The following IFI30 variants were observed in gnomAD, a reference collection of about 807,000 sequenced individuals.
The protein encoded by IFI30 is gamma-interferon-inducible lysosomal thiol reductase.
In IFI30, 26 loss-of-function variants were observed where a neutral mutation model predicts 30.1. That is an observed-to-expected ratio of 0.87 (90% CI 0.63 to 1.20). The LOEUF is 1.20. Among genes scored for constraint, IFI30 ranks in the 50% most tolerant of loss-of-function variants. The probability of loss-of-function intolerance (pLI) is 0.00; values close to 1 mark genes in which losing one functional copy is unlikely to be tolerated. For synonymous variants in IFI30, 149 were observed against 134.5 expected (o/e 1.11, Z -0.75); for missense variants, 296 against 312.5 (o/e 0.95, Z 0.40).
rs1409017857 is a variant in IFI30 at position 18,175,129 on chromosome 19, C to A, written c.222C>A (p.Gly74=). The A allele has an allele frequency of 6.2e-7, 1 of 1,612,908 alleles. No homozygotes were observed. Among genetic ancestry groups the A allele is most frequent in the East Asian group, 2.2e-5 (1 of 44,858 alleles). Residue 74 remains glycine, a synonymous_variant, in exon 2 of 7, where the codon GGC becomes GGA. Transcript: ENST00000407280. Reference sequence around the variant, plus strand: ...TCTACTATGAAGCACTGTGCGGTGGCTGCCGAGCCTTCCTGATCCGGGAGC... The same window carrying A: ...TCTACTATGAAGCACTGTGCGGTGGATGCCGAGCCTTCCTGATCCGGGAGC... ...VTLYYEALCG[G]CRAFLIRELF...
At position 18,173,952 on chromosome 19, in the gene IFI30, T is replaced by C. The variant is rs1340392642; in HGVS notation, c.111T>C (p.Asn37=). The C allele has an allele frequency of 1.5e-5, 24 of 1,551,354 alleles. No individual in the cohort carries two copies. The highest frequency in any genetic ancestry group is 2.0e-5 in the Non-Finnish European group (23 of 1,147,156). Residue 37 remains asparagine, a synonymous_variant, in exon 1 of 7, where the codon AAT becomes AAC. Coordinates refer to ENST00000407280, the MANE Select transcript of IFI30 (RefSeq NM_006332.5). ...SPLQALDFFG[N]GPPVNYKTGN... is the part of the protein sequence containing the mutation. ...TGCAAGCGTTAGACTTCTTTGGGAA[T>C]GGGCCACCAGTTAACTACAAGGTAG...
chr19:18,177,385 C>A, intron 5 of IFI30, 93 bp downstream of exon 5: 1 of 1,406,100 alleles, frequency 7.1e-7, no homozygotes, highest in South Asian at 1.4e-5. Context: ...GGAACCCAGG[C>A]GGAGGTTGCA....
intron 1 of IFI30, 35 bp from the exon 2 acceptor site, chr19:18,175,005 G>A: frequency 6.3e-7 from 1 of 1,586,386 alleles, no homozygotes; most frequent in Non-Finnish European, 8.6e-7. Context: ...ACTGCCCAGG[G>A]CTACACCTGC....
chr19:18,177,616 C>T, intron 5 of IFI30, 95 bp from the exon 6 acceptor site: 1 of 1,443,484 alleles, frequency 6.9e-7, no homozygotes, highest in Non-Finnish European at 9.6e-7. Context: ...GGGGGCCAGA[C>T]TTGGGAATAT....
chr19:18,174,636 G>A (rs866001753), intron 1 of IFI30: 1 of 180,280 alleles, frequency 5.5e-6, no homozygotes, highest in Non-Finnish European at 1.2e-5. Context: ...CACTTTGGAA[G>A]TCTGAGGCAG....
intron 3 of IFI30, 26 bp downstream of exon 3, chr19:18,175,411 G>C: frequency 1.3e-6 from 2 of 1,566,264 alleles, no homozygotes; most frequent in Non-Finnish European, 1.7e-6. Context: ...GCCCCACACT[G>C]GGGTGGGGGA....
chr19:18,175,122 G>T lies in IFI30; in HGVS notation c.215G>T (p.Cys72Phe). The T allele has an allele frequency of 6.2e-7, 1 of 1,613,322 alleles. No individual in the cohort carries two copies. The highest frequency in any genetic ancestry group is 8.5e-7 in the Non-Finnish European group (1 of 1,179,620). The change falls in exon 2 of 7, where the codon TGC (cysteine) becomes TTC (phenylalanine). Residue 72 changes from cysteine to phenylalanine, a missense_variant. By Grantham distance (205) the Cys-to-Phe change is radical (BLOSUM62 -2). Coordinates refer to ENST00000407280, the MANE Select transcript of IFI30 (RefSeq NM_006332.5). ...VNVTLYYEALCGGCRAFLIRE... is the reference protein window; with the variant it reads ...VNVTLYYEALFGGCRAFLIRE... ...GTGACCCTCTACTATGAAGCACTGT[G>T]CGGTGGCTGCCGAGCCTTCCTGATC...
intron 1 of IFI30, 42 bp from the exon 2 acceptor site, chr19:18,174,998 G>C (rs1240340429): frequency 1.9e-6 from 3 of 1,555,316 alleles, no homozygotes; most frequent in Admixed American, 1.7e-5. Context: ...GTGGGGAACT[G>C]CCCAGGGCTA....
At chr19:18,174,125 C>T (rs1191157495) in intron 1 of IFI30, 152 bp downstream of exon 1, 1 of 716,470 alleles carries the variant, frequency 1.4e-6, no homozygotes, top group African/African-American at 1.8e-5. Flanking sequence ...CTGTTCAGTT[C>T]CCGGCGCTGC....
In IFI30 at chr19:18,177,262, C is replaced by G. The variant is rs200444719; in HGVS notation, c.606C>G (p.His202Gln). Reference sequence around the variant, plus strand: ...GGACAGATGCTCTCCAGCCACCACACGAGTATGTGCCCTGGGTCACCGTCA... The same window carrying G: ...GGACAGATGCTCTCCAGCCACCACAGGAGTATGTGCCCTGGGTCACCGTCA... ...AQRTDALQPP[H>Q]EYVPWVTVNG... The change falls in exon 5 of 7, where the codon CAC (histidine) becomes CAG (glutamine). Residue 202 changes from histidine to glutamine, a missense_variant. By Grantham distance (24) the His-to-Gln change is conservative (BLOSUM62 0). Coordinates refer to ENST00000407280, the MANE Select transcript of IFI30 (RefSeq NM_006332.5). 2.6e-4 allele frequency: 408 copies of G among 1,585,886 alleles called. No homozygotes were observed. The highest frequency in any genetic ancestry group is 3.2e-4 in the Non-Finnish European group (373 of 1,166,128).
intron 1 of IFI30, chr19:18,174,642 G>T: frequency 5.5e-6 from 1 of 182,024 alleles, no homozygotes; most frequent in Non-Finnish European, 1.2e-5. Context: ...GGAAGTCTGA[G>T]GCAGGCAGAT....
chr19:18,175,625 T>C lies in IFI30; in HGVS notation c.411T>C (p.Leu137=). ...NKVEACVLDE[L]DMELAFLTIV... The stretch of plus-strand genomic sequence containing the variant: ...CCCAGGCCTGCGTGTTGGATGAACT[T>C]GACATGGAGCTAGCCTTCCTGACCA... Residue 137 remains leucine (L), a synonymous_variant, in exon 4 of 7, where the codon CTT becomes CTC. Transcript: ENST00000407280. 4 of 1,610,364 alleles carry C rather than the reference T, an allele frequency of 2.5e-6. No individual in the cohort carries two copies. The highest frequency in any genetic ancestry group is 3.4e-6 in the Non-Finnish European group (4 of 1,178,382).
In IFI30 at chr19:18,175,295, C is replaced by G; in HGVS notation, c.316-16C>G. 6.3e-7 allele frequency: 1 copy of G among 1,580,948 alleles called. No homozygotes were observed. Among genetic ancestry groups the G allele is most frequent in the East Asian group, 2.3e-5 (1 of 42,956 alleles). ...GACCCAGCCTACCAGCAGGCTCTCACCCTGCTGCCTTGCAGGAACAAAATG... is the reference window on the plus strand; with the variant it reads ...GACCCAGCCTACCAGCAGGCTCTCAGCCTGCTGCCTTGCAGGAACAAAATG... On this transcript the variant is annotated splice_polypyrimidine_tract_variant and intron_variant, in intron 2 of 6. Transcript: ENST00000407280.
Position 18,173,932 on chromosome 19 carries a change from G to C in IFI30, c.91G>C (p.Ala31Pro). The stretch of plus-strand genomic sequence containing the variant: ...GGCGGTGCAGGCGTCCCCTCTGCAA[G>C]CGTTAGACTTCTTTGGGAATGGGCC... ...TAAVQASPLQALDFFGNGPPV... is the reference protein window; with the variant it reads ...TAAVQASPLQPLDFFGNGPPV... Residue 31 changes from alanine to proline, a missense_variant, in exon 1 of 7, where the codon GCG becomes CCG. Coordinates refer to ENST00000407280, the MANE Select transcript of IFI30 (RefSeq NM_006332.5). 1 of 1,551,554 alleles carries C rather than the reference G, an allele frequency of 6.4e-7. No individual in the cohort carries two copies.
Position 18,173,967 on chromosome 19 carries a change from C to T in IFI30, c.126C>T (p.Asn42=). The T allele has an allele frequency of 1.3e-6, 2 of 1,550,666 alleles. No homozygotes were observed. Among genetic ancestry groups the T allele is most frequent in the East Asian group, 2.4e-5 (1 of 40,836 alleles). ...TCTTTGGGAATGGGCCACCAGTTAA[C>T]TACAAGGTAGGGACGGCGACAGGGC... ...LDFFGNGPPV[N]YKTGNLYLRG... The change falls in exon 1 of 7, where the codon AAC becomes AAT. Residue 42 remains asparagine, a synonymous_variant. Coordinates refer to ENST00000407280, the MANE Select transcript of IFI30 (RefSeq NM_006332.5).
At chr19:18,174,770 G>A (rs367561461) in intron 1 of IFI30, 6 of 398,344 alleles carry the variant, frequency 1.5e-5, no homozygotes, top group East Asian at 1.5e-4. Flanking sequence ...TACTCAGGAG[G>A]CTGAGGCAGG....
Position 18,175,086 on chromosome 19 carries a change from C to CGGTG in IFI30, c.180_181insGTGG (p.Leu61ValfsTer10), listed in dbSNP as rs1568643618. 1 of 1,613,838 alleles carries CGGTG rather than the reference C, an allele frequency of 6.2e-7. No individual in the cohort carries two copies. Among genetic ancestry groups the CGGTG allele is most frequent in the Non-Finnish European group, 8.5e-7 (1 of 1,179,828 alleles). On this transcript the variant is annotated frameshift_variant, in exon 2 of 7. Coordinates refer to ENST00000407280, the MANE Select transcript of IFI30 (RefSeq NM_006332.5). LOFTEE classifies it high-confidence loss of function. The stretch of plus-strand genomic sequence containing the variant: ...GGGCCCCTGAAGAAGTCCAATGCAC[C>CGGTG]GCTTGTCAATGTGACCCTCTACTAT...
rs1257337462 is a variant in IFI30 at position 18,177,949 on chromosome 19, G to A, written c.*38G>A. 1 of 1,557,260 alleles carries A rather than the reference G, an allele frequency of 6.4e-7. No homozygotes were observed. The highest frequency in any genetic ancestry group is 1.2e-5 in the South Asian group (1 of 84,704). On this transcript the variant is annotated 3_prime_UTR_variant, in exon 7 of 7. Coordinates refer to ENST00000407280, the MANE Select transcript of IFI30 (RefSeq NM_006332.5). ...TGCGGAGAGCTCATGGAAGGCGAGTGGGAACCCGGCTGCCTGCCTTTTTTT... is the reference window on the plus strand; with the variant it reads ...TGCGGAGAGCTCATGGAAGGCGAGTAGGAACCCGGCTGCCTGCCTTTTTTT...
In IFI30 at chr19:18,174,295, G is replaced by C. The variant is rs1274095028; in HGVS notation, c.132+322G>C. The C allele has an allele frequency of 1.9e-5, 5 of 263,704 alleles. No homozygotes were observed. The East Asian group carries it at 4.3e-4, about 23-fold the overall frequency. The allele number at this position is 263,704 out of a possible 1,614,324, so 16.3% of individuals were successfully genotyped here. ...TTTTGTGGCCCAGGGCACAAGTTCA[G>C]CAGCTGGCCAAGGGCCGCCGGCATG... On this transcript the variant is annotated intron_variant, in intron 1 of 6. Coordinates refer to ENST00000407280, the MANE Select transcript of IFI30 (RefSeq NM_006332.5).
Sources: gnomAD v4.1 joint callset for allele counts on GRCh38, gnomAD v4.1.1 for gene constraint, MANE v1.5 for transcripts, NCBI Gene and HGNC (gene_info 2026-07-23, HGNC 2026-07-21) for gene names.